Variants in DYNC1H1 observed in about 807,000 individuals in gnomAD.
The protein encoded by DYNC1H1 is cytoplasmic dynein 1 heavy chain 1.
Under a neutral mutation model 527.1 loss-of-function variants are expected in DYNC1H1, and 51 were observed. The ratio of observed to expected loss-of-function variants is 0.10; its 90% CI spans 0.08 to 0.12. The LOEUF is 0.12. Ranked by LOEUF, DYNC1H1 falls within the 10% of genes least tolerant of loss-of-function variation. The probability of loss-of-function intolerance (pLI) is 1.00; values close to 1 mark genes in which losing one functional copy is unlikely to be tolerated. For missense variants in DYNC1H1, 2,771 were observed against 5,971.8 expected (o/e 0.46, Z 17.66); for synonymous variants, 2,189 against 2,278.8 (o/e 0.96, Z 1.12).
rs775542098 is a variant in DYNC1H1, at chr14:102,007,115, C to T, written c.5817+7C>T. On this transcript the variant is annotated splice_region_variant and intron_variant, in intron 28 of 77. Transcript: ENST00000360184. ...TGAAACCTTTGATTTCCAGGTGAGA[C>T]ACTTTATGGGATCCACCTAAAATGT... is the stretch of plus-strand genomic sequence containing the variant. The T allele has an allele frequency of 8.7e-6, 14 of 1,613,892 alleles. No individual in the cohort carries two copies. The highest frequency in any genetic ancestry group is 1.2e-5 in the Non-Finnish European group (14 of 1,179,828).
intron 41 of DYNC1H1, 60 bp from the exon 42 acceptor site, chr14:102,019,833 G>C: frequency 6.2e-7 from 1 of 1,606,300 alleles, no homozygotes. Context: ...TTTACCTTTT[G>C]ACCACTTCTC....
chr14:102,041,557 C>T lies in DYNC1H1; in HGVS notation c.11942-17C>T. On this transcript the variant is annotated splice_polypyrimidine_tract_variant and intron_variant, in intron 64 of 77. Coordinates refer to ENST00000360184, the MANE Select transcript of DYNC1H1 (RefSeq NM_001376.5). This position sits in a 1 kb window ranked among gnomAD's most constrained non-coding sequence, Gnocchi z 4.5. ...CCATGCTTCCACCCAGCACCCACCC[C>T]TCTGTACCTGTTTCAGCACCCATTG... The T allele has an allele frequency of 6.2e-7, 1 of 1,613,844 alleles. No homozygotes were observed. Among genetic ancestry groups the T allele is most frequent in the Non-Finnish European group, 8.5e-7 (1 of 1,180,022 alleles).
In DYNC1H1 at chr14:102,016,158, C is replaced by G; in HGVS notation, c.7473+72C>G. ...CACAGGTCTGAGGACCTCTGAAATG[C>G]TGCACCTGTGGGGATGTGCGCTCTC... is the stretch of plus-strand genomic sequence containing the variant. On this transcript the variant is annotated intron_variant, in intron 36 of 77. Coordinates refer to ENST00000360184, the MANE Select transcript of DYNC1H1 (RefSeq NM_001376.5). The surrounding 1 kb of genome is among the most constrained non-coding windows in gnomAD (Gnocchi z 7.3). 1 of 1,538,144 alleles carries G rather than the reference C, an allele frequency of 6.5e-7. No homozygotes were observed. Among genetic ancestry groups the G allele is most frequent in the Non-Finnish European group, 8.8e-7 (1 of 1,136,084 alleles).
In DYNC1H1 at chr14:102,015,385, A is replaced by G; in HGVS notation, c.7242+53A>G. 6.5e-7 allele frequency: 1 copy of G among 1,541,754 alleles called. No individual in the cohort carries two copies. Among genetic ancestry groups the G allele is most frequent in the South Asian group, 1.2e-5 (1 of 83,544 alleles). ...ATGACCTGAGGGTGCTAGGATATTCAGATGTGGTCTCGCTGTGTTGCCCAC... is the reference window on the plus strand; with the variant it reads ...ATGACCTGAGGGTGCTAGGATATTCGGATGTGGTCTCGCTGTGTTGCCCAC... On this transcript the variant is annotated intron_variant, in intron 35 of 77. Coordinates refer to ENST00000360184, the MANE Select transcript of DYNC1H1 (RefSeq NM_001376.5). This position sits in a 1 kb window ranked among gnomAD's most constrained non-coding sequence, Gnocchi z 6.9.
Position 102,016,076 on chromosome 14 carries a change from G to A in DYNC1H1, c.7463G>A (p.Arg2488His), listed in dbSNP as rs149581331. ...DFPMQIEQLERYIQRYLVYAI... is the reference protein window; with the variant it reads ...DFPMQIEQLEHYIQRYLVYAI... Reference sequence around the variant, plus strand: ...CCCATGCAGATCGAGCAGCTGGAGCGCTACATTCAGGTCAGGGGGCATCAG... The same window carrying A: ...CCCATGCAGATCGAGCAGCTGGAGCACTACATTCAGGTCAGGGGGCATCAG... The change falls in exon 36 of 78, where the codon CGC becomes CAC. Residue 2488 changes from arginine (R) to histidine (H), a missense_variant. Transcript: ENST00000360184. This position sits in a 1 kb window ranked among gnomAD's most constrained non-coding sequence, Gnocchi z 7.3. 322 of 1,608,256 alleles carry A rather than the reference G, an allele frequency of 2.0e-4. No individual in the cohort carries two copies. The East Asian group carries it at 5.1e-3, about 25-fold the overall frequency.
rs2152579124 is a variant in DYNC1H1 at position 102,012,069 on chromosome 14, C to T, written c.6813C>T (p.Asn2271=). Reference sequence around the variant, plus strand: ...ACCTCTACGGAACCCTGGACCCCAACACCAGGGAATGGACAGATGGGCTCT... The same window carrying T: ...ACCTCTACGGAACCCTGGACCCCAATACCAGGGAATGGACAGATGGGCTCT... ...KDHLYGTLDP[N]TREWTDGLFT... Residue 2271 remains asparagine (N), a synonymous_variant, in exon 33 of 78, where the codon AAC becomes AAT. Transcript: ENST00000360184. This position sits in a 1 kb window ranked among gnomAD's most constrained non-coding sequence, Gnocchi z 4.9. 6.2e-7 allele frequency: 1 copy of T among 1,614,200 alleles called. No individual in the cohort carries two copies. Among genetic ancestry groups the T allele is most frequent in the Non-Finnish European group, 8.5e-7 (1 of 1,180,036 alleles).
intron 42 of DYNC1H1, among the ~76,000 whole-genome samples, chr14:102,022,365 C>G (rs2048394337): frequency 6.7e-6 from 1 of 149,880 alleles, no homozygotes; most frequent in Admixed American, 6.6e-5. Context: ...AATTAGCCAG[C>G]CTTGGTGGCG....
chr14:102,050,391 T>C, intron 77 of DYNC1H1, 44 bp from the exon 78 acceptor site: 1 of 1,614,178 alleles, frequency 6.2e-7, no homozygotes, highest in Middle Eastern at 1.6e-4. Flanking sequence ...TCCAGTTTTC[T>C]TACTTTTCCC....
rs760532492 is a variant in DYNC1H1, at chr14:102,034,110, C to T, written c.10548C>T (p.Tyr3516=). Residue 3516 remains tyrosine (Y), a synonymous_variant, in exon 55 of 78, where the codon TAC becomes TAT. Transcript: ENST00000360184. ...DCLLSAAFIA[Y]AGYFDQQMRQ... ...TCTTGTCAGCTGCGTTCATTGCCTA[C>T]GCGGGTTACTTTGACCAGCAGATGC... 101 of 1,614,048 alleles carry T rather than the reference C, an allele frequency of 6.3e-5. No homozygotes were observed. The highest frequency in any genetic ancestry group is 4.6e-4 in the South Asian group (42 of 91,088).
At chr14:101,991,812 G>A in intron 11 of DYNC1H1, 139 bp downstream of exon 11, 1 of 1,280,830 alleles carries the variant, frequency 7.8e-7, no homozygotes, top group East Asian at 2.5e-5. Flanking sequence ...GAAAGTTAGG[G>A]AGGCTTTTTG....
Position 101,997,395 on chromosome 14 carries a change from C to G in DYNC1H1, c.3804+121C>G, listed in dbSNP as rs1237347011. On this transcript the variant is annotated intron_variant, in intron 16 of 77. Transcript: ENST00000360184. The surrounding 1 kb of genome is among the most constrained non-coding windows in gnomAD (Gnocchi z 4.8). ...CTTTCTAGTATTGAAGACTCTTTTC[C>G]TTTTTGTAGTTAAAAAAGCAGATGG... 3 of 1,523,124 alleles carry G rather than the reference C, an allele frequency of 2.0e-6. No individual in the cohort carries two copies. The highest frequency in any genetic ancestry group is 2.7e-6 in the Non-Finnish European group (3 of 1,128,048). 94.4% of individuals were successfully genotyped at this position (1,523,124 alleles called of 1,614,324 possible).
rs759230014 is a variant in DYNC1H1, at chr14:102,033,202, G to T, written c.10197+20G>T. 1 of 1,614,178 alleles carries T rather than the reference G, an allele frequency of 6.2e-7. No individual in the cohort carries two copies. The highest frequency in any genetic ancestry group is 1.7e-5 in the Admixed American group (1 of 60,030). On this transcript the variant is annotated intron_variant, in intron 53 of 77. Coordinates refer to ENST00000360184, the MANE Select transcript of DYNC1H1 (RefSeq NM_001376.5). This position sits in a 1 kb window ranked among gnomAD's most constrained non-coding sequence, Gnocchi z 5.6. ...GCACAGGTGATTAACACAGCCAGGA[G>T]CTCCCGTGTGAAAGGTGACCTCTTT...
chr14:102,036,652 G>A lies in DYNC1H1; in HGVS notation c.10908+10G>A, dbSNP rs201277756. 1,172 of 1,613,932 alleles carry A rather than the reference G, an allele frequency of 7.3e-4. 1 individual carries two copies. The highest frequency in any genetic ancestry group is 9.6e-4 in the Non-Finnish European group (1,128 of 1,179,930). ...CCCCCTTCTGGTCCAGGTTGGTGTTGGCCTTTGAATTCTTGAAACACTGCA... is the reference window on the plus strand; with the variant it reads ...CCCCCTTCTGGTCCAGGTTGGTGTTAGCCTTTGAATTCTTGAAACACTGCA... On this transcript the variant is annotated intron_variant, in intron 57 of 77. Coordinates refer to ENST00000360184, the MANE Select transcript of DYNC1H1 (RefSeq NM_001376.5). This position sits in a 1 kb window ranked among gnomAD's most constrained non-coding sequence, Gnocchi z 5.6.
Position 101,997,724 on chromosome 14 carries a change from C to T in DYNC1H1, c.3804+450C>T, listed in dbSNP as rs2048080260. On this transcript the variant is annotated intron_variant, in intron 16 of 77. Transcript: ENST00000360184. This position sits in a 1 kb window ranked among gnomAD's most constrained non-coding sequence, Gnocchi z 4.8. Reference sequence around the variant, plus strand: ...TAAACCTTCCACCACCCAGAAACTGCCACATCCACTTTTCTTCATGCATTG... The same window carrying T: ...TAAACCTTCCACCACCCAGAAACTGTCACATCCACTTTTCTTCATGCATTG... Among the ~76,000 whole-genome samples the T allele has an allele frequency of 1.3e-5, 2 of 152,200 alleles. No homozygotes were observed. The highest frequency in any genetic ancestry group is 1.9e-4 in the East Asian group (1 of 5,200).
chr14:102,024,095 C>T (rs557798791), intron 43 of DYNC1H1, among the ~76,000 whole-genome samples: 1 of 152,278 alleles, frequency 6.6e-6, no homozygotes, highest in South Asian at 2.1e-4. Context: ...GGATTTCCAG[C>T]CGGTGGAAGG....
chr14:101,982,959 T>C, intron 5 of DYNC1H1, 60 bp from the exon 6 acceptor site: 1 of 1,586,358 alleles, frequency 6.3e-7, no homozygotes, highest in Non-Finnish European at 8.6e-7. Context: ...TGGCATATTT[T>C]AGTTTACTTA....
chr14:102,047,384 A>G (rs2048733156), intron 72 of DYNC1H1, among the ~76,000 whole-genome samples: 2 of 151,672 alleles, frequency 1.3e-5, no homozygotes, highest in African/African-American at 4.9e-5. Flanking sequence ...AATACAAGAA[A>G]AAATTAGCCA....
At chr14:102,031,065 T>C (rs186004457) in intron 51 of DYNC1H1, among the ~76,000 whole-genome samples, 2 of 152,388 alleles carry the variant, frequency 1.3e-5, no homozygotes, top group Admixed American at 6.5e-5. Context: ...TTTTACCTTA[T>C]ACAACAAGAT....
intron 18 of DYNC1H1, 23 bp from the exon 19 acceptor site, chr14:102,000,931 G>T: frequency 1.3e-6 from 2 of 1,592,854 alleles, no homozygotes; most frequent in Non-Finnish European, 1.7e-6. Context: ...AAGCTAAATA[G>T]CATCTTATGT....
Sources: gnomAD v4.1 joint callset for allele counts (sites outside exome capture counted in the v4.1 genomes callset) on GRCh38, gnomAD v4.1.1 for gene constraint, Gnocchi (gnomAD v3.1) non-coding constraint, MANE v1.5 for transcripts, NCBI Gene and HGNC (gene_info 2026-07-23, HGNC 2026-07-21) for gene names.